Variants in DCC observed in about 807,000 individuals in gnomAD.
DCC encodes netrin receptor DCC.
Under a neutral mutation model 172.5 loss-of-function variants are expected in DCC, and 58 were observed. That is an observed-to-expected ratio of 0.34 (90% CI 0.27 to 0.42). The LOEUF (loss-of-function observed/expected upper bound fraction) is 0.42. Among genes scored for constraint, DCC ranks in the 10% least tolerant of loss-of-function variants. The pLI is 1.00. For synonymous variants in DCC, 709 were observed against 644.5 expected (o/e 1.10, Z -1.52); for missense variants, 1,740 against 1,791.0 (o/e 0.97, Z 0.51).
chr18:52,521,163 A>T (rs537060109), intron 1 of DCC, among the ~76,000 whole-genome samples: 1 of 146,144 alleles, frequency 6.8e-6, no homozygotes, highest in Admixed American at 6.8e-5. Flanking sequence ...AAAAAAATGC[A>T]TACTTGAATT....
chr18:52,976,908 T>A (rs2145596637), intron 5 of DCC, among the ~76,000 whole-genome samples: 2 of 152,340 alleles, frequency 1.3e-5, no homozygotes, highest in East Asian at 3.9e-4. Context: ...GATATAATGT[T>A]TTACATTATT....
At chr18:53,248,277 C>A (rs960842919) in intron 12 of DCC, among the ~76,000 whole-genome samples, 5 of 151,918 alleles carry the variant, frequency 3.3e-5, no homozygotes, top group African/African-American at 9.7e-5. Context: ...GAGATGGGCC[C>A]AGATTAATTT....
intron 8 of DCC, among the ~76,000 whole-genome samples, chr18:53,163,299 A>G (rs908754001): frequency 9.9e-5 from 15 of 152,194 alleles, no homozygotes; most frequent in Admixed American, 3.9e-4. Flanking sequence ...TGTGTTACTG[A>G]GGAGGATGAA....
chr18:52,513,875 A>G (rs1431389586), intron 1 of DCC, among the ~76,000 whole-genome samples: 1 of 152,156 alleles, frequency 6.6e-6, no homozygotes, highest in African/African-American at 2.4e-5. Flanking sequence ...TGCAGCAGGG[A>G]TCAGGATGGT....
intron 1 of DCC, among the ~76,000 whole-genome samples, chr18:52,651,946 A>G (rs951592002): frequency 6.6e-6 from 1 of 152,214 alleles, no homozygotes; most frequent in African/African-American, 2.4e-5. Flanking sequence ...GAGTATAAAA[A>G]ACAGTGCAGT....
chr18:53,295,965 C>T (rs1164083505), intron 12 of DCC, among the ~76,000 whole-genome samples: 4 of 152,156 alleles, frequency 2.6e-5, no homozygotes, highest in Middle Eastern at 3.4e-3. Flanking sequence ...TACCCATGCC[C>T]GGAGGTTCTA....
intron 1 of DCC, among the ~76,000 whole-genome samples, chr18:52,730,633 G>C (rs1249848169): frequency 2.0e-5 from 3 of 152,154 alleles, no homozygotes; most frequent in African/African-American, 7.2e-5. Context: ...GCTGATGCTG[G>C]CTATGAGTAC....
At chr18:53,389,408 C>T (rs1164044894) in intron 16 of DCC, among the ~76,000 whole-genome samples, 1 of 152,128 alleles carries the variant, frequency 6.6e-6, no homozygotes, top group Admixed American at 6.5e-5. Flanking sequence ...TTGCTGTGCA[C>T]GATAACGCTC....
intron 7 of DCC, among the ~76,000 whole-genome samples, chr18:53,091,434 C>T (rs2043007774): frequency 6.7e-6 from 1 of 149,448 alleles, no homozygotes; most frequent in Non-Finnish European, 1.5e-5. Flanking sequence ...ACGCACAATT[C>T]AAGCATAATA....
At chr18:53,123,761 C>T (rs371838422) in intron 7 of DCC, among the ~76,000 whole-genome samples, 4 of 152,024 alleles carry the variant, frequency 2.6e-5, no homozygotes, top group African/African-American at 9.7e-5. Context: ...TGTCTATTCA[C>T]AGTCTTCATC....
chr18:52,711,073 G>A (rs180746203), intron 1 of DCC, among the ~76,000 whole-genome samples: 17 of 152,248 alleles, frequency 1.1e-4, no homozygotes, highest in Non-Finnish European at 1.9e-4. Flanking sequence ...AGAGTTGATT[G>A]TATGACTATC....
At chr18:53,283,317 G>A (rs2056894778) in intron 12 of DCC, among the ~76,000 whole-genome samples, 1 of 151,980 alleles carries the variant, frequency 6.6e-6, no homozygotes, top group Non-Finnish European at 1.5e-5. Context: ...ATAAACAAGT[G>A]TATTCTGTTC....
chr18:52,366,720 G>C (rs540524538), intron 1 of DCC, among the ~76,000 whole-genome samples: 2 of 151,822 alleles, frequency 1.3e-5, no homozygotes, highest in African/African-American at 2.4e-5. Context: ...ACAGAGTGTC[G>C]ATTGGTGCAC....
intron 22 of DCC, among the ~76,000 whole-genome samples, chr18:53,437,571 A>C (rs1180572541): frequency 4.5e-5 from 6 of 132,250 alleles, no homozygotes; most frequent in African/African-American, 1.8e-4. Context: ...CAACAGAGCA[A>C]GGCTCCATCT....
chr18:52,353,979 A>C (rs1227653473), intron 1 of DCC, among the ~76,000 whole-genome samples: 1 of 152,198 alleles, frequency 6.6e-6, no homozygotes, highest in African/African-American at 2.4e-5. Flanking sequence ...CATTTTATAA[A>C]CTATAGCTTA....
chr18:52,562,071 A>G (rs2033052435), intron 1 of DCC, among the ~76,000 whole-genome samples: 1 of 152,154 alleles, frequency 6.6e-6, no homozygotes, highest in Non-Finnish European at 1.5e-5. Context: ...ACTGACATCT[A>G]GTTAGGGAAA....
intron 5 of DCC, among the ~76,000 whole-genome samples, chr18:52,964,518 C>T (rs963154668): frequency 4.0e-5 from 6 of 151,876 alleles, no homozygotes; most frequent in African/African-American, 7.3e-5. Context: ...GGTTTATTGC[C>T]ATGTACGTCA....
chr18:53,114,563 A>C (rs1252861397), intron 7 of DCC, among the ~76,000 whole-genome samples: 1 of 151,618 alleles, frequency 6.6e-6, no homozygotes, highest in Non-Finnish European at 1.5e-5. Flanking sequence ...TGGAAGCCAC[A>C]ATTTTTTTTT....
At chr18:52,869,694 G>A (rs1380467820) in intron 2 of DCC, among the ~76,000 whole-genome samples, 6 of 152,208 alleles carry the variant, frequency 3.9e-5, no homozygotes, top group Non-Finnish European at 7.3e-5. Context: ...TCCCATGCTC[G>A]TCAGCACCCA....
Sources: gnomAD v4.1 joint callset for allele counts (sites outside exome capture counted in the v4.1 genomes callset) on GRCh38, gnomAD v4.1.1 for gene constraint, MANE v1.5 for transcripts, NCBI Gene and HGNC (gene_info 2026-07-23, HGNC 2026-07-21) for gene names.